Variants in PGPEP1L observed in about 807,000 individuals in gnomAD.
PGPEP1L encodes pyroglutamyl-peptidase I like, also known as pyroglutamyl-peptidase 1-like protein.
Under a neutral mutation model 6.0 loss-of-function variants are expected in PGPEP1L, and 7 were observed. That is an observed-to-expected ratio of 1.17 (90% CI 0.66 to 2.19). The LOEUF is 2.19. Among genes scored for constraint, PGPEP1L ranks in the 30% most tolerant of loss-of-function variants. PGPEP1L has a pLI of 0.00. For synonymous variants in PGPEP1L, 103 were observed against 83.9 expected, an observed-to-expected ratio of 1.23 and a Z score of -1.24; for missense variants, 209 against 192.5, an observed-to-expected ratio of 1.09 and a Z score of -0.51.
chr15:99,004,092 C>T lies in PGPEP1L; in HGVS notation c.-142+1337G>A, dbSNP rs1480265932. 5.5e-5 allele frequency among the ~76,000 whole-genome samples: 8 copies of T among 145,292 alleles called. No homozygotes were observed. In the South Asian group the frequency reaches 1.3e-3, roughly 24 times the overall value. On this transcript the variant is annotated intron_variant, in intron 2 of 4. Transcript: ENST00000535714. ...CCAACACAATTCAGAAAACTTAAAA[C>T]CGGCCAAATGTGTCTAACTAAAAAT...
At chr15:98,980,342 G>A (rs757338540) in intron 2 of PGPEP1L, among the ~76,000 whole-genome samples, 4 of 152,196 alleles carry the variant, frequency 2.6e-5, no homozygotes, top group African/African-American at 7.2e-5. Context: ...AAGGGAGGAG[G>A]GGGGAGGAAA....
intron 2 of PGPEP1L, among the ~76,000 whole-genome samples, chr15:98,993,856 A>C (rs892129243): frequency 4.6e-5 from 7 of 152,198 alleles, no homozygotes; most frequent in African/African-American, 1.7e-4. Context: ...GAGAACACAA[A>C]ATTGAAAAAA....
rs1221421914 is a variant in PGPEP1L, at chr15:98,982,747, G to A, written c.-141-11589C>T. Among the ~76,000 whole-genome samples the A allele has an allele frequency of 4.6e-5, 5 of 107,788 alleles. 1 individual carries two copies. The allele number at this position is 107,788 out of a possible 152,430, so 70.7% of individuals were successfully genotyped here. A position where few individuals can be genotyped will look rare whatever the true frequency, so the allele number is the denominator to read the frequency against. On this transcript the variant is annotated intron_variant, in intron 2 of 4. Coordinates refer to ENST00000535714, the MANE Select transcript of PGPEP1L (RefSeq NM_001167902.2). ...TTTTTTTGAGACAGAGTCTTGCTCT[G>A]TTGCCCAGGCTGGAGTGCGGGGGCA... is the stretch of plus-strand genomic sequence containing the variant.
rs72754845 is a variant in PGPEP1L at position 99,007,367 on chromosome 15, G to A, written c.-378C>T. 0.1 allele frequency: 15,425 copies of A among 152,380 alleles called. 896 individuals carry two copies. The highest frequency in any genetic ancestry group is 0.14 in the African/African-American group (5,672 of 41,520). 9.4% of individuals were successfully genotyped at this position (152,380 alleles called of 1,614,324 possible). On this transcript the variant is annotated 5_prime_UTR_variant, in exon 1 of 5. It adds an upstream start codon to the 5' untranslated region. Coordinates refer to ENST00000535714, the MANE Select transcript of PGPEP1L (RefSeq NM_001167902.2). ...TAGCTCCTATCACTTACCTAGTTCC[G>A]TCATGGTGTGTCCAGAATCGGCGGA...
At chr15:99,006,689 C>G (rs1173944090) in intron 1 of PGPEP1L, among the ~76,000 whole-genome samples, 4 of 152,148 alleles carry the variant, frequency 2.6e-5, no homozygotes, top group African/African-American at 9.7e-5. Context: ...GTGGTATATG[C>G]CCATAGTCCT....
chr15:98,975,918 T>C (rs1007232470), intron 2 of PGPEP1L, among the ~76,000 whole-genome samples: 1 of 150,880 alleles, frequency 6.6e-6, no homozygotes, highest in Non-Finnish European at 1.5e-5. Flanking sequence ...AACTATTATG[T>C]ATTAAGAAAA....
intron 1 of PGPEP1L, 139 bp downstream of exon 1, chr15:99,007,220 C>G (rs562559883): frequency 6.6e-6 from 1 of 151,854 alleles, no homozygotes; most frequent in African/African-American, 2.4e-5. Context: ...CCCACCTTGC[C>G]ATGAGTGGGA....
At position 98,969,361 on chromosome 15, in the gene PGPEP1L, G is replaced by C. The variant is rs1021392630; in HGVS notation, c.209+64C>G. The C allele has an allele frequency of 5.7e-6, 9 of 1,592,866 alleles. No homozygotes were observed. In the African/African-American group the frequency reaches 1.2e-4, roughly 21 times the overall value. On this transcript the variant is annotated intron_variant, in intron 4 of 4. Coordinates refer to ENST00000535714, the MANE Select transcript of PGPEP1L (RefSeq NM_001167902.2). ...TACAGGATGGCTTCTTGGAGGTCGGGGGGACGCTGACGGCCATTGCTTCTC... is the reference window on the plus strand; with the variant it reads ...TACAGGATGGCTTCTTGGAGGTCGGCGGGACGCTGACGGCCATTGCTTCTC...
chr15:98,992,800 A>G (rs1023363250), intron 2 of PGPEP1L, among the ~76,000 whole-genome samples: 1 of 152,242 alleles, frequency 6.6e-6, no homozygotes, highest in Non-Finnish European at 1.5e-5. Flanking sequence ...GCACACATCT[A>G]CAACCATCTG....
chr15:98,975,355 G>C (rs190110142), intron 2 of PGPEP1L, among the ~76,000 whole-genome samples: 1 of 152,182 alleles, frequency 6.6e-6, no homozygotes, highest in Admixed American at 6.5e-5. Flanking sequence ...AAAGAGGTTG[G>C]TTATTGGATA....
intron 2 of PGPEP1L, among the ~76,000 whole-genome samples, chr15:98,998,995 G>GT (rs545106269): frequency 5.9e-5 from 9 of 151,900 alleles, no homozygotes; most frequent in Admixed American, 5.9e-4. Flanking sequence ...AAAAAACTAA[G>GT]TTTTTTGGGG....
intron 2 of PGPEP1L, among the ~76,000 whole-genome samples, chr15:98,988,113 G>A (rs1052167991): frequency 1.4e-4 from 22 of 152,088 alleles, no homozygotes; most frequent in Non-Finnish European, 1.5e-4. Flanking sequence ...TCATACCCCA[G>A]TGGCACCTGC....
chr15:99,004,312 G>A (rs1480555576), intron 2 of PGPEP1L, among the ~76,000 whole-genome samples: 3 of 151,914 alleles, frequency 2.0e-5, no homozygotes, highest in Admixed American at 2.0e-4. Flanking sequence ...CAGAGGCTGA[G>A]GTGGGAGGAT....
At chr15:98,974,682 AAGTTGAG>A (rs1227036924) in intron 2 of PGPEP1L, among the ~76,000 whole-genome samples, 1 of 152,194 alleles carries the variant, frequency 6.6e-6, no homozygotes, top group Non-Finnish European at 1.5e-5. Flanking sequence ...GGATCACCTG[AAGTTGAG>A]AGTTCAAGAC....
intron 2 of PGPEP1L, among the ~76,000 whole-genome samples, chr15:98,983,986 T>C (rs956946544): frequency 6.6e-6 from 1 of 151,400 alleles, no homozygotes; most frequent in Non-Finnish European, 1.5e-5. Flanking sequence ...CCATTTATAA[T>C]GCCTGGCAGT....
rs375181112 is a variant in PGPEP1L at position 98,974,362 on chromosome 15, G to A, written c.-141-3204C>T. On this transcript the variant is annotated intron_variant, in intron 2 of 4. Transcript: ENST00000535714. Reference sequence around the variant, plus strand: ...GCACTGCACTCCAGCCTGGGTGACCGTGTGAGACCCTGTCTCAAAAAAAAA... The same window carrying A: ...GCACTGCACTCCAGCCTGGGTGACCATGTGAGACCCTGTCTCAAAAAAAAA... Among the ~76,000 whole-genome samples the A allele has an allele frequency of 2.9e-4, 44 of 152,034 alleles. No homozygotes were observed. The South Asian group carries it at 7.9e-3, about 27-fold the overall frequency.
intron 2 of PGPEP1L, among the ~76,000 whole-genome samples, chr15:98,981,445 G>C (rs887611184): frequency 8.3e-5 from 12 of 144,630 alleles, no homozygotes; most frequent in South Asian, 2.2e-4. Context: ...AGCCGAGATC[G>C]CACCACTGCA....
At chr15:98,985,769 G>A (rs1479952728) in intron 2 of PGPEP1L, among the ~76,000 whole-genome samples, 1 of 152,188 alleles carries the variant, frequency 6.6e-6, no homozygotes, top group Non-Finnish European at 1.5e-5. Flanking sequence ...TCTGCAAAAT[G>A]GGAACAATTT....
At chr15:98,968,844 G>C in intron 4 of PGPEP1L, 147 bp from the exon 5 acceptor site, 1 of 786,426 alleles carries the variant, frequency 1.3e-6, no homozygotes. Flanking sequence ...ACCTCAGAAA[G>C]AACATGGTGC....
Sources: allele counts gnomAD v4.1 joint callset (sites outside exome capture counted in the v4.1 genomes callset), GRCh38; gene constraint gnomAD v4.1.1; transcripts MANE v1.5; gene names NCBI Gene and HGNC (gene_info 2026-07-23, HGNC 2026-07-21).